The following STRN3 variants were observed in gnomAD, a reference collection of about 807,000 sequenced individuals.
STRN3 encodes striatin-3.
A neutral mutation model predicts 95.6 loss-of-function variants in STRN3; 29 were observed. The observed-to-expected ratio is 0.30, with a 90% CI of 0.23 to 0.41. STRN3 has a LOEUF of 0.41. Ranked by LOEUF, STRN3 falls within the 10% of genes least tolerant of loss-of-function variation. The pLI, the probability that STRN3 is intolerant of heterozygous loss-of-function variation, is 1.00. For synonymous variants in STRN3, 331 were observed against 357.6 expected, an observed-to-expected ratio of 0.93 and a Z score of 0.84; for missense variants, 890 against 972.1, an observed-to-expected ratio of 0.92 and a Z score of 1.12.
intron 9 of STRN3, among the ~76,000 whole-genome samples, chr14:30,917,236 C>T (rs183741364): frequency 2.4e-4 from 36 of 152,256 alleles, no homozygotes; most frequent in Admixed American, 6.5e-4. Flanking sequence ...AAATCTCTCC[C>T]CTCGCCCTCC....
At chr14:30,957,774 G>A (rs556667339) in intron 1 of STRN3, among the ~76,000 whole-genome samples, 2 of 152,114 alleles carry the variant, frequency 1.3e-5, no homozygotes, top group African/African-American at 2.4e-5. Context: ...ACTGGCATCT[G>A]TCTGGGGACA....
rs184038187 is a variant in STRN3, at chr14:30,899,529, A to G, written c.2137+3007T>C. On this transcript the variant is annotated intron_variant, in intron 16 of 17. Coordinates refer to ENST00000357479, the MANE Select transcript of STRN3 (RefSeq NM_001083893.2). The stretch of plus-strand genomic sequence containing the variant: ...ATTCAATATTCTTAACCTGGTTCTA[A>G]AAGTCCTCCTCAATAGATTCTATTT... Among the ~76,000 whole-genome samples, 5 of 152,284 alleles carry G rather than the reference A, an allele frequency of 3.3e-5. No homozygotes were observed. In the East Asian group the frequency reaches 9.6e-4, roughly 29 times the overall value.
chr14:30,976,898 T>G (rs572705144), intron 1 of STRN3, among the ~76,000 whole-genome samples: 4 of 152,304 alleles, frequency 2.6e-5, no homozygotes, highest in Non-Finnish European at 5.9e-5. Flanking sequence ...GAGACCAGCC[T>G]GGCCAACATG....
Position 30,905,534 on chromosome 14 carries a change from T to C in STRN3, c.1913A>G (p.Asp638Gly). ...ATGAGCTGGATCACAGCCTATAAAG[T>C]CAACTGATGTAGGTATTCCATGCTC... ...DKKHGIPTSV[D>G]FIGCDPAHMV... The change falls in exon 15 of 18, where the codon GAC (aspartate) becomes GGC (glycine). Residue 638 changes from aspartate to glycine, a missense_variant. Physicochemically the swap from Asp to Gly is moderately conservative, Grantham distance 94. This residue lies in a region of STRN3 where 357 missense variants were observed against 422.8 expected (regional missense o/e 0.84). Transcript: ENST00000357479. 6.2e-7 allele frequency: 1 copy of C among 1,605,126 alleles called. No homozygotes were observed. The highest frequency in any genetic ancestry group is 8.5e-7 in the Non-Finnish European group (1 of 1,176,788).
In STRN3 at chr14:30,999,611, G is replaced by C. The variant is rs537733753; in HGVS notation, c.282+26293C>G. On this transcript the variant is annotated intron_variant, in intron 1 of 17. Transcript: ENST00000357479. Reference sequence around the variant, plus strand: ...ACCAACTTGAAGATAGGTCAACTGAGATTAGCCAGTCTGAGAACCAGAAAG... The same window carrying C: ...ACCAACTTGAAGATAGGTCAACTGACATTAGCCAGTCTGAGAACCAGAAAG... Among the ~76,000 whole-genome samples, 5 of 152,162 alleles carry C rather than the reference G, an allele frequency of 3.3e-5. 1 individual carries two copies. The highest frequency in any genetic ancestry group is 7.3e-5 in the Non-Finnish European group (5 of 68,036).
intron 1 of STRN3, among the ~76,000 whole-genome samples, chr14:31,002,428 G>A (rs559306447): frequency 1.5e-4 from 22 of 144,630 alleles, no homozygotes; most frequent in Admixed American, 5.7e-4. Context: ...TCAAGATCGC[G>A]CCACTGCACT....
At chr14:30,986,074 A>T (rs1440082042) in intron 1 of STRN3, among the ~76,000 whole-genome samples, 1 of 152,164 alleles carries the variant, frequency 6.6e-6, no homozygotes, top group Non-Finnish European at 1.5e-5. Context: ...AAGAGAAATG[A>T]TCTATTAAAA....
chr14:30,917,400 T>C (rs767249389), intron 9 of STRN3, among the ~76,000 whole-genome samples: 1 of 152,178 alleles, frequency 6.6e-6, no homozygotes, highest in Non-Finnish European at 1.5e-5. Context: ...TTGAAACATT[T>C]AAAAGGGTCC....
Position 30,941,856 on chromosome 14 carries a change from T to A in STRN3, c.717-5232A>T, listed in dbSNP as rs181043613. ...GGCTGGTCTGGTCTCAAACTCCTGATCTCAAGTGTTCTGCCCACCTCAGCC... is the reference window on the plus strand; with the variant it reads ...GGCTGGTCTGGTCTCAAACTCCTGAACTCAAGTGTTCTGCCCACCTCAGCC... On this transcript the variant is annotated intron_variant, in intron 5 of 17. Transcript: ENST00000357479. Among the ~76,000 whole-genome samples the A allele has an allele frequency of 2.8e-4, 43 of 151,996 alleles. No homozygotes were observed. The East Asian group carries it at 7.6e-3, about 27-fold the overall frequency.
At chr14:30,984,270 A>AG (rs1478418171) in intron 1 of STRN3, among the ~76,000 whole-genome samples, 1 of 23,456 alleles carries the variant, frequency 4.3e-5, no homozygotes, top group African/African-American at 9.4e-5. Flanking sequence ...GAATTCTAAA[A>AG]AAAAAAAAAA....
chr14:30,924,535 G>A (rs1403297039), intron 8 of STRN3, among the ~76,000 whole-genome samples: 1 of 151,876 alleles, frequency 6.6e-6, no homozygotes, highest in East Asian at 1.9e-4. Context: ...CAGGTGATCT[G>A]CCCGCCTCAG....
intron 3 of STRN3, among the ~76,000 whole-genome samples, chr14:30,953,841 G>A (rs1198730826): frequency 6.6e-6 from 1 of 152,136 alleles, no homozygotes; most frequent in African/African-American, 2.4e-5. Context: ...TGTTGTCCAG[G>A]CTGGTCTTGA....
intron 1 of STRN3, among the ~76,000 whole-genome samples, chr14:30,990,700 G>A (rs867094113): frequency 6.6e-6 from 1 of 152,086 alleles, no homozygotes; most frequent in Non-Finnish European, 1.5e-5. Flanking sequence ...ATACCAAAAC[G>A]CAGAGATGCT....
rs538612948 is a variant in STRN3, at chr14:30,987,386, A to G, written c.283-31144T>C. On this transcript the variant is annotated intron_variant, in intron 1 of 17. Transcript: ENST00000357479. ...GCTGGGCGTGGTGGCAGGCGCCTGT[A>G]GTCCCAGCTACTCAGGAGGCTGAGG... 9.6e-4 allele frequency among the ~76,000 whole-genome samples: 146 copies of G among 152,220 alleles called. 2 individuals carry two copies. Among genetic ancestry groups the G allele is most frequent in the African/African-American group, 3.5e-3 (144 of 41,540 alleles).
chr14:30,948,909 T>G (rs1879498672), intron 4 of STRN3, among the ~76,000 whole-genome samples: 1 of 152,218 alleles, frequency 6.6e-6, no homozygotes, highest in African/African-American at 2.4e-5. Flanking sequence ...CATCATACTC[T>G]AACCACTTGG....
At chr14:30,998,947 T>C (rs1882322702) in intron 1 of STRN3, among the ~76,000 whole-genome samples, 1 of 152,002 alleles carries the variant, frequency 6.6e-6, no homozygotes, top group African/African-American at 2.4e-5. Context: ...ACCTAAAAAA[T>C]AAAAGTTTTC....
intron 3 of STRN3, among the ~76,000 whole-genome samples, chr14:30,952,536 C>CA (rs1462728177): frequency 2.0e-5 from 3 of 151,662 alleles, no homozygotes; most frequent in African/African-American, 7.3e-5. Flanking sequence ...CTCATCTCTA[C>CA]AAAAAATGCA....
intron 1 of STRN3, among the ~76,000 whole-genome samples, chr14:31,016,039 A>G (rs1883222540): frequency 6.6e-6 from 1 of 152,220 alleles, no homozygotes; most frequent in Non-Finnish European, 1.5e-5. Context: ...CAAAATGGTT[A>G]AAATCCAAAT....
intron 1 of STRN3, among the ~76,000 whole-genome samples, chr14:31,000,524 A>C (rs1258811919): frequency 1.3e-5 from 2 of 152,166 alleles, no homozygotes; most frequent in East Asian, 3.8e-4. Flanking sequence ...TTTAAAAAAA[A>C]AAAAAAGCAA....
Sources: gnomAD v4.1 joint callset for allele counts (sites outside exome capture counted in the v4.1 genomes callset) on GRCh38, gnomAD v4.1.1 for gene constraint, gnomAD v4.1.1 regional missense constraint, MANE v1.5 for transcripts, NCBI Gene and HGNC (gene_info 2026-07-23, HGNC 2026-07-21) for gene names.